CNTN5: variants seen among roughly 807,000 people sequenced by gnomAD.
CNTN5 encodes the protein contactin 5.
In CNTN5, 77 loss-of-function variants were observed where a neutral mutation model predicts 129.1. The observed-to-expected ratio is 0.60, with a 90% CI of 0.50 to 0.72. CNTN5 has a LOEUF of 0.72. Among genes scored for constraint, CNTN5 ranks in the 30% least tolerant of loss-of-function variants. The pLI is 0.00. For synonymous variants in CNTN5, 509 were observed against 465.6 expected, an observed-to-expected ratio of 1.09 and a Z score of -1.20; for missense variants, 1,478 against 1,328.8, an observed-to-expected ratio of 1.11 and a Z score of -1.75.
intron 1 of CNTN5, among the ~76,000 whole-genome samples, chr11:99,164,908 G>T (rs188328979): frequency 1.1e-3 from 165 of 152,180 alleles, no homozygotes; most frequent in African/African-American, 3.5e-3. Flanking sequence ...TCTCTACATA[G>T]CGAGATGTTT....
intron 2 of CNTN5, among the ~76,000 whole-genome samples, chr11:99,519,025 T>C (rs990634883): frequency 2.6e-5 from 4 of 152,172 alleles, no homozygotes; most frequent in African/African-American, 9.6e-5. Flanking sequence ...CTGAAACTTT[T>C]TAGTGGGTTT....
intron 3 of CNTN5, among the ~76,000 whole-genome samples, chr11:99,568,654 G>C (rs538829523): frequency 1.2e-4 from 18 of 152,124 alleles, no homozygotes; most frequent in African/African-American, 4.3e-4. Context: ...GAAGATTCTT[G>C]ATCTCCTTTA....
intron 4 of CNTN5, among the ~76,000 whole-genome samples, chr11:99,821,799 G>A (rs984098772): frequency 1.3e-5 from 2 of 152,176 alleles, no homozygotes; most frequent in African/African-American, 2.4e-5. Context: ...AGGTGATGGT[G>A]ATGGTGCTGA....
chr11:99,654,749 A>G (rs936760284), intron 3 of CNTN5, among the ~76,000 whole-genome samples: 1 of 152,108 alleles, frequency 6.6e-6, no homozygotes, highest in East Asian at 1.9e-4. Flanking sequence ...AACAAATTAA[A>G]TCAATTAAAC....
intron 7 of CNTN5, among the ~76,000 whole-genome samples, chr11:99,943,520 A>G (rs377167414): frequency 6.6e-6 from 1 of 152,124 alleles, no homozygotes; most frequent in East Asian, 1.9e-4. Context: ...TTTGCTGTGT[A>G]GCAGCTCTTT....
intron 3 of CNTN5, among the ~76,000 whole-genome samples, chr11:99,804,093 A>C (rs185761545): frequency 6.6e-6 from 1 of 152,172 alleles, no homozygotes; most frequent in African/African-American, 2.4e-5. Flanking sequence ...CAAAATGCCC[A>C]AATCTTCTAC....
chr11:100,017,495 T>C (rs1940890379), intron 9 of CNTN5, among the ~76,000 whole-genome samples: 1 of 152,028 alleles, frequency 6.6e-6, no homozygotes, highest in African/African-American at 2.4e-5. Context: ...AGTCAAAGAC[T>C]GTATCTTGAA....
At chr11:99,379,496 G>GATATGAC (rs1349308069) in intron 2 of CNTN5, among the ~76,000 whole-genome samples, 1 of 151,900 alleles carries the variant, frequency 6.6e-6, no homozygotes, top group Admixed American at 6.6e-5. Context: ...AAATATAATC[G>GATATGAC]ATATGACATG....
chr11:99,123,399 T>G (rs1001349019), intron 1 of CNTN5, among the ~76,000 whole-genome samples: 3 of 152,066 alleles, frequency 2.0e-5, no homozygotes, highest in African/African-American at 7.2e-5. Flanking sequence ...GGTTTGTTTG[T>G]TTTTTGCTTG....
intron 8 of CNTN5, among the ~76,000 whole-genome samples, chr11:99,999,124 A>C (rs1472596396): frequency 6.6e-6 from 1 of 152,008 alleles, no homozygotes; most frequent in Non-Finnish European, 1.5e-5. Flanking sequence ...AAACACCAAA[A>C]GCAATGGCAA....
At chr11:99,409,204 C>A (rs1942273534) in intron 2 of CNTN5, among the ~76,000 whole-genome samples, 1 of 152,188 alleles carries the variant, frequency 6.6e-6, no homozygotes, top group African/African-American at 2.4e-5. Context: ...ATGGCTCAGG[C>A]CCGTAATCCC....
chr11:99,034,470 A>G (rs1863594815), intron 1 of CNTN5, among the ~76,000 whole-genome samples: 1 of 151,632 alleles, frequency 6.6e-6, no homozygotes, highest in Admixed American at 6.6e-5. Flanking sequence ...CTATTCAGAG[A>G]TTCAACTTCT....
chr11:99,562,180 A>G (rs900159691), intron 3 of CNTN5, among the ~76,000 whole-genome samples: 6 of 152,212 alleles, frequency 3.9e-5, no homozygotes, highest in Non-Finnish European at 8.8e-5. Flanking sequence ...TAAAATCTGC[A>G]TATCAAATCT....
intron 3 of CNTN5, among the ~76,000 whole-genome samples, chr11:99,766,749 C>G (rs1172903318): frequency 4.6e-5 from 7 of 151,930 alleles, no homozygotes; most frequent in African/African-American, 1.7e-4. Context: ...TTTTTATGCT[C>G]AAGTTATGCC....
intron 2 of CNTN5, among the ~76,000 whole-genome samples, chr11:99,441,398 C>G (rs934930442): frequency 6.6e-6 from 1 of 152,086 alleles, no homozygotes; most frequent in Admixed American, 6.5e-5. Flanking sequence ...TAATTTTTGT[C>G]TAGATCTTTC....
chr11:99,838,797 G>C (rs1318006644), intron 4 of CNTN5, among the ~76,000 whole-genome samples: 1 of 152,096 alleles, frequency 6.6e-6, no homozygotes. Context: ...TCTTCTTCTT[G>C]AGGGAGTGAC....
intron 9 of CNTN5, among the ~76,000 whole-genome samples, chr11:100,055,583 C>T (rs531184882): frequency 2.8e-5 from 2 of 72,304 alleles, no homozygotes; most frequent in Admixed American, 2.8e-4. Context: ...TGCTTTTACT[C>T]TCTTTTCCGC....
At chr11:100,087,236 TG>T (rs1944588594) in intron 13 of CNTN5, among the ~76,000 whole-genome samples, 1 of 151,586 alleles carries the variant, frequency 6.6e-6, no homozygotes, top group Non-Finnish European at 1.5e-5. Flanking sequence ...GACAAAAAAT[TG>T]GATCATTTGA....
At chr11:99,132,968 A>G (rs907581459) in intron 1 of CNTN5, among the ~76,000 whole-genome samples, 2 of 152,206 alleles carry the variant, frequency 1.3e-5, no homozygotes, top group Non-Finnish European at 2.9e-5. Flanking sequence ...AGCAAAAAGA[A>G]CAAAGCTGGA....
Sources: gnomAD v4.1 joint callset for allele counts (sites outside exome capture counted in the v4.1 genomes callset) on GRCh38, gnomAD v4.1.1 for gene constraint, MANE v1.5 for transcripts, NCBI Gene and HGNC (gene_info 2026-07-23, HGNC 2026-07-21) for gene names.